The following ADGRL3 variants were observed in gnomAD, a reference collection of about 807,000 sequenced individuals.
ADGRL3 encodes calcium-independent alpha-latrotoxin receptor 3.
ADGRL3 carries 62 observed loss-of-function variants against 153.5 expected under a neutral mutation model. The observed-to-expected ratio is 0.40, with a 90% CI of 0.33 to 0.50. ADGRL3 has a LOEUF of 0.50. Among genes scored for constraint, ADGRL3 ranks in the 20% least tolerant of loss-of-function variants. ADGRL3 has a pLI of 0.47. For missense variants in ADGRL3, 1,641 were observed against 1,859.4 expected, an observed-to-expected ratio of 0.88 and a Z score of 2.16; for synonymous variants, 710 against 672.5, an observed-to-expected ratio of 1.06 and a Z score of -0.86.
intron 2 of ADGRL3, among the ~76,000 whole-genome samples, chr4:61,491,463 A>G (rs1274157797): frequency 6.6e-6 from 1 of 152,046 alleles, no homozygotes. Flanking sequence ...GTAGAGAGCT[A>G]TGTGCACACA....
At chr4:61,900,397 T>C (rs1487661964) in intron 11 of ADGRL3, among the ~76,000 whole-genome samples, 8 of 152,208 alleles carry the variant, frequency 5.3e-5, no homozygotes, top group African/African-American at 1.9e-4. Context: ...ACTCATGTAC[T>C]GGTAAAGTTA....
intron 6 of ADGRL3, among the ~76,000 whole-genome samples, chr4:61,682,592 G>A (rs530471820): frequency 7.6e-4 from 106 of 139,784 alleles, no homozygotes; most frequent in African/African-American, 2.7e-3. Flanking sequence ...GTAGACCTAG[G>A]GTCTCACTAT....
chr4:61,567,078 C>T (rs1049288002), intron 4 of ADGRL3, among the ~76,000 whole-genome samples: 2 of 152,090 alleles, frequency 1.3e-5, no homozygotes, highest in African/African-American at 2.4e-5. Context: ...AGGGCAAGAA[C>T]CTAAATGTTA....
In ADGRL3 at chr4:61,847,789, T is replaced by A. The variant is rs1284081443; in HGVS notation, c.1480+33900T>A. Among the ~76,000 whole-genome samples, 10 of 27,818 alleles carry A rather than the reference T, an allele frequency of 3.6e-4. 2 individuals carry two copies. Among genetic ancestry groups the A allele is most frequent in the Non-Finnish European group, 4.7e-4 (7 of 14,868 alleles). The allele number at this position is 27,818 out of a possible 152,430, so 18.2% of individuals were successfully genotyped here. Reference sequence around the variant, plus strand: ...AATATATATATAATACAAAATATATTATATATATAATATAAAATATATTAT... The same window carrying A: ...AATATATATATAATACAAAATATATAATATATATAATATAAAATATATTAT... On this transcript the variant is annotated intron_variant, in intron 9 of 26. Coordinates refer to ENST00000683033, the MANE Select transcript of ADGRL3 (RefSeq NM_001387552.1).
chr4:61,790,010 A>T (rs4860434), intron 8 of ADGRL3, among the ~76,000 whole-genome samples: 72,994 of 152,010 alleles, frequency 0.48, 18,034 homozygotes, highest in East Asian at 0.61. Context: ...GTGTTTAAGC[A>T]CTAAAACTTT....
chr4:62,022,740 T>G (rs575372428), intron 21 of ADGRL3, among the ~76,000 whole-genome samples: 19 of 152,036 alleles, frequency 1.2e-4, no homozygotes, highest in Admixed American at 2.0e-4. Context: ...CACACCTGTT[T>G]ACAGCATGGT....
At chr4:61,772,530 C>A (rs1429268053) in intron 8 of ADGRL3, among the ~76,000 whole-genome samples, 1 of 152,044 alleles carries the variant, frequency 6.6e-6, no homozygotes, top group Non-Finnish European at 1.5e-5. Flanking sequence ...GAAATGAAGA[C>A]CCCCCAAAAT....
chr4:61,346,207 C>A (rs888179926), intron 1 of ADGRL3, among the ~76,000 whole-genome samples: 10 of 151,418 alleles, frequency 6.6e-5, no homozygotes, highest in African/African-American at 2.4e-4. Flanking sequence ...TCTAGTCCAG[C>A]CTGAGCAACT....
At chr4:61,515,926 T>A (rs1579286238) in intron 3 of ADGRL3, among the ~76,000 whole-genome samples, 1 of 152,268 alleles carries the variant, frequency 6.6e-6, no homozygotes, top group East Asian at 1.9e-4. Context: ...TCGCAGCTTT[T>A]TGGTCTTGAA....
chr4:61,793,233 G>C (rs1041842734), intron 8 of ADGRL3, among the ~76,000 whole-genome samples: 3 of 152,006 alleles, frequency 2.0e-5, no homozygotes, highest in Admixed American at 6.6e-5. Context: ...GACCATCCTG[G>C]CTAACATGGT....
intron 17 of ADGRL3, among the ~76,000 whole-genome samples, chr4:61,961,508 C>G (rs1431193947): frequency 2.6e-5 from 4 of 152,180 alleles, no homozygotes; most frequent in African/African-American, 9.7e-5. Flanking sequence ...GCCTTCCTTA[C>G]TGCTTTCTCC....
At chr4:61,561,125 A>T (rs2098793345) in intron 4 of ADGRL3, among the ~76,000 whole-genome samples, 1 of 152,150 alleles carries the variant, frequency 6.6e-6, no homozygotes, top group South Asian at 2.1e-4. Flanking sequence ...CATTCAGAGA[A>T]AATTAATTCT....
At chr4:61,611,318 T>C (rs1018095) in intron 5 of ADGRL3, among the ~76,000 whole-genome samples, 151,457 of 152,252 alleles carry the variant, frequency 0.99, 75,338 homozygotes, top group Middle Eastern at 1. Flanking sequence ...TGGCAAGAAC[T>C]AGTCACATGG....
chr4:61,498,514 C>G (rs1231573652), intron 3 of ADGRL3, among the ~76,000 whole-genome samples: 1 of 151,862 alleles, frequency 6.6e-6, no homozygotes, highest in African/African-American at 2.4e-5. Context: ...CGTGCCACTG[C>G]ATTCCAGCCT....
At chr4:61,816,585 G>C (rs1021494358) in intron 9 of ADGRL3, among the ~76,000 whole-genome samples, 3 of 152,156 alleles carry the variant, frequency 2.0e-5, no homozygotes, top group African/African-American at 7.2e-5. Flanking sequence ...ACTACCATAG[G>C]TAGTCATATA....
At chr4:61,884,199 T>C (rs1039097608) in intron 9 of ADGRL3, among the ~76,000 whole-genome samples, 9 of 152,166 alleles carry the variant, frequency 5.9e-5, no homozygotes, top group African/African-American at 2.2e-4. Flanking sequence ...TCTGATACTT[T>C]TTAAAAATTA....
intron 5 of ADGRL3, among the ~76,000 whole-genome samples, chr4:61,615,034 T>C (rs753872512): frequency 1.4e-4 from 21 of 152,112 alleles, no homozygotes; most frequent in Non-Finnish European, 2.9e-4. Context: ...AAATAAGGCA[T>C]TTTCCGTAAG....
intron 1 of ADGRL3, among the ~76,000 whole-genome samples, chr4:61,375,482 T>C (rs1056796720): frequency 1.3e-5 from 2 of 152,114 alleles, no homozygotes; most frequent in Non-Finnish European, 1.5e-5. Context: ...ATATGAATCA[T>C]CAAGTGTACT....
chr4:61,957,264 C>G (rs920504866), intron 17 of ADGRL3, among the ~76,000 whole-genome samples: 3 of 151,958 alleles, frequency 2.0e-5, no homozygotes, highest in South Asian at 4.1e-4. Flanking sequence ...CCCTTGTTAG[C>G]TATTTCCTAG....
Sources: gnomAD v4.1 joint callset for allele counts (sites outside exome capture counted in the v4.1 genomes callset) on GRCh38, gnomAD v4.1.1 for gene constraint, MANE v1.5 for transcripts, NCBI Gene and HGNC (gene_info 2026-07-23, HGNC 2026-07-21) for gene names.